PCDHA1: variants seen among roughly 807,000 people sequenced by gnomAD.
PCDHA1 encodes protocadherin alpha 1.
A neutral mutation model predicts 61.3 loss-of-function variants in PCDHA1; 42 were observed. The ratio of observed to expected loss-of-function variants is 0.69; its 90% CI spans 0.54 to 0.89. PCDHA1 has a LOEUF of 0.89. Ranked by LOEUF, PCDHA1 falls within the 40% of genes least tolerant of loss-of-function variation. PCDHA1 has a pLI of 0.00. For synonymous variants in PCDHA1, 610 were observed against 553.8 expected, an observed-to-expected ratio of 1.10 and a Z score of -1.43; for missense variants, 1,256 against 1,235.3, an observed-to-expected ratio of 1.02 and a Z score of -0.25.
intron 1 of PCDHA1, among the ~76,000 whole-genome samples, chr5:140,820,599 C>T (rs1446316781): frequency 6.6e-6 from 1 of 151,894 alleles, no homozygotes; most frequent in Non-Finnish European, 1.5e-5. Context: ...ACTAAATTTT[C>T]TAGGTCGTGT....
chr5:140,803,120 C>T (rs1554122582), intron 1 of PCDHA1: 2 of 1,613,774 alleles, frequency 1.2e-6, no homozygotes, highest in Admixed American at 1.7e-5. Flanking sequence ...ACGAGGTGGA[C>T]GCCCCGCGCC....
chr5:140,898,653 G>A (rs1321472129), intron 1 of PCDHA1, among the ~76,000 whole-genome samples: 1 of 152,202 alleles, frequency 6.6e-6, no homozygotes, highest in Non-Finnish European at 1.5e-5. Context: ...TTTTGGCTTA[G>A]GATTGACTTG....
At position 140,853,823 on chromosome 5, in the gene PCDHA1, T is replaced by C. The variant is rs1332082202; in HGVS notation, c.2394+65139T>C. On this transcript the variant is annotated intron_variant, in intron 1 of 3. Transcript: ENST00000504120. ...TAAAGCACACCTGAGATGATTCTCA[T>C]ACAACCGAAATTTTAGATCCATAGC... 6.3e-5 allele frequency: 62 copies of C among 986,786 alleles called. 2 individuals are homozygous for C. The highest frequency in any genetic ancestry group is 7.3e-5 in the Non-Finnish European group (60 of 818,922). The allele number at this position is 986,786 out of a possible 1,614,324, so 61.1% of individuals were successfully genotyped here. A position where few individuals can be genotyped will look rare whatever the true frequency, so the allele number is the denominator to read the frequency against.
At chr5:140,927,248 A>G in intron 1 of PCDHA1, 1 of 1,614,064 alleles carries the variant, frequency 6.2e-7, no homozygotes. Flanking sequence ...GACACCAATG[A>G]CAACTCACCT....
At chr5:140,808,180 T>C in intron 1 of PCDHA1, 1 of 1,614,254 alleles carries the variant, frequency 6.2e-7, no homozygotes, top group Non-Finnish European at 8.5e-7. Flanking sequence ...TCCCACTTTC[T>C]GGCCATTGTA....
chr5:140,862,794 G>A (rs1554156969), intron 1 of PCDHA1: 1 of 575,742 alleles, frequency 1.7e-6, no homozygotes, highest in Non-Finnish European at 3.3e-6. Flanking sequence ...ACTACGAGGA[G>A]CTGGAGCTGC....
intron 1 of PCDHA1, among the ~76,000 whole-genome samples, chr5:140,971,436 C>G (rs2153789972): frequency 6.6e-6 from 1 of 152,278 alleles, no homozygotes; most frequent in Non-Finnish European, 1.5e-5. Flanking sequence ...ACCCCAAGAT[C>G]TACAGCTCCA....
chr5:140,867,455 GTGTTATGACAACAT>G (rs1181061872), intron 1 of PCDHA1: 1 of 152,006 alleles, frequency 6.6e-6, no homozygotes, highest in East Asian at 1.9e-4. Flanking sequence ...TAGAGTTCTA[GTGTTATGACAACAT>G]TGGGAAAAGA....
chr5:140,919,352 T>G (rs1406850241), intron 1 of PCDHA1, among the ~76,000 whole-genome samples: 1 of 152,222 alleles, frequency 6.6e-6, no homozygotes, highest in Non-Finnish European at 1.5e-5. Flanking sequence ...TCTTTGAATC[T>G]AAAAGTGTCT....
intron 1 of PCDHA1, chr5:140,871,052 T>C (rs981101486): frequency 6.2e-7 from 1 of 1,613,156 alleles, no homozygotes; most frequent in Non-Finnish European, 8.5e-7. Flanking sequence ...CTAGTACTGG[T>C]GAAGGATCAC....
At chr5:140,834,131 C>G (rs2150213699) in intron 1 of PCDHA1, 104 of 446,322 alleles carry the variant, frequency 2.3e-4, no homozygotes, top group Admixed American at 1.8e-3. Context: ...AACTTTTCAT[C>G]TGATTAATAG....
chr5:140,828,095 G>A (rs2150150878), intron 1 of PCDHA1: 2 of 1,604,514 alleles, frequency 1.2e-6, no homozygotes, highest in African/African-American at 1.3e-5. Flanking sequence ...ATTTGACATG[G>A]TGTTTACCCC....
At chr5:140,803,593 T>C (rs782270719) in intron 1 of PCDHA1, 28 of 1,614,060 alleles carry the variant, frequency 1.7e-5, no homozygotes, top group South Asian at 4.4e-5. Flanking sequence ...TCAGCCAAAG[T>C]GAGTAATTTT....
intron 1 of PCDHA1, among the ~76,000 whole-genome samples, chr5:140,844,255 T>C (rs1015870602): frequency 6.7e-6 from 1 of 149,734 alleles, no homozygotes; most frequent in Admixed American, 6.7e-5. Flanking sequence ...TTAAGCAGTG[T>C]AGTGATAAAA....
chr5:140,945,801 C>T (rs1371269109), intron 1 of PCDHA1, among the ~76,000 whole-genome samples: 2 of 152,026 alleles, frequency 1.3e-5, no homozygotes, highest in East Asian at 3.9e-4. Context: ...GAAACTAGAC[C>T]CTTATCTCAC....
intron 1 of PCDHA1, chr5:140,809,681 T>A: frequency 7.6e-7 from 1 of 1,319,606 alleles, no homozygotes; most frequent in Non-Finnish European, 1.0e-6. Flanking sequence ...ATTTTACCTC[T>A]TTTTACATAT....
At chr5:141,000,643 G>A (rs2097954450) in intron 3 of PCDHA1, among the ~76,000 whole-genome samples, 1 of 151,102 alleles carries the variant, frequency 6.6e-6, no homozygotes, top group Non-Finnish European at 1.5e-5. Context: ...GGGCAGGCTG[G>A]TCTCGAACTC....
At chr5:140,942,992 C>T (rs782446748) in intron 1 of PCDHA1, among the ~76,000 whole-genome samples, 3 of 152,006 alleles carry the variant, frequency 2.0e-5, no homozygotes, top group South Asian at 2.1e-4. Flanking sequence ...TGTGGTGGCT[C>T]ATGCCTGTAA....
At chr5:140,899,894 A>G (rs2067617727) in intron 1 of PCDHA1, among the ~76,000 whole-genome samples, 1 of 151,938 alleles carries the variant, frequency 6.6e-6, no homozygotes, top group African/African-American at 2.4e-5. Context: ...TGCAGCCTTG[A>G]CATCCTGGGC....
Sources: gnomAD v4.1 joint callset for allele counts (sites outside exome capture counted in the v4.1 genomes callset) on GRCh38, gnomAD v4.1.1 for gene constraint, MANE v1.5 for transcripts, NCBI Gene and HGNC (gene_info 2026-07-23, HGNC 2026-07-21) for gene names.